HTT: variants seen among roughly 807,000 people sequenced by gnomAD.
HTT encodes the protein huntington disease protein.
A neutral mutation model predicts 362.3 loss-of-function variants in HTT; 104 were observed. That is an observed-to-expected ratio of 0.29 (90% CI 0.24 to 0.34). The LOEUF (loss-of-function observed/expected upper bound fraction) is 0.34. Among genes scored for constraint, HTT ranks in the 10% least tolerant of loss-of-function variants. The pLI is 1.00. For synonymous variants in HTT, 1,577 were observed against 1,548.7 expected, an observed-to-expected ratio of 1.02 and a Z score of -0.43; for missense variants, 3,301 against 3,928.6, an observed-to-expected ratio of 0.84 and a Z score of 4.27.
At chr4:3,131,565 T>C in intron 15 of HTT, 73 bp from the exon 16 acceptor site, 1 of 1,586,832 alleles carries the variant, frequency 6.3e-7, no homozygotes, top group Non-Finnish European at 8.6e-7. Context: ...GGTAGGTTAT[T>C]GGGTCTGGTT....
At chr4:3,141,174 C>G (rs930825575) in intron 22 of HTT, among the ~76,000 whole-genome samples, 1 of 152,182 alleles carries the variant, frequency 6.6e-6, no homozygotes, top group Non-Finnish European at 1.5e-5. Context: ...GAGTGGGACA[C>G]AGTGCTTTAA....
chr4:3,205,304 T>G (rs1161192130), intron 42 of HTT, among the ~76,000 whole-genome samples: 1 of 152,152 alleles, frequency 6.6e-6, no homozygotes, highest in Non-Finnish European at 1.5e-5. Context: ...ACATGGTATC[T>G]TATAGATACT....
At chr4:3,238,378 G>T (rs1336942216) in intron 64 of HTT, 69 bp from the exon 65 acceptor site, 6 of 1,240,866 alleles carry the variant, frequency 4.8e-6, no homozygotes, top group East Asian at 2.5e-5. Context: ...TAGAGCCAAG[G>T]CCCTCCGCGG....
At position 3,228,006 on chromosome 4, in the gene HTT, G is replaced by T. The variant is rs997988963; in HGVS notation, c.7849-609G>T. ...CTCCCTGCAGGGTGCTGGGTCCCAGGGGGGAAATGGCCCTTGGTGCCAAGA... is the reference window on the plus strand; with the variant it reads ...CTCCCTGCAGGGTGCTGGGTCCCAGTGGGGAAATGGCCCTTGGTGCCAAGA... On this transcript the variant is annotated intron_variant, in intron 57 of 66. Coordinates refer to ENST00000355072, the MANE Select transcript of HTT (RefSeq NM_001388492.1). This position sits in a 1 kb window ranked among gnomAD's most constrained non-coding sequence, Gnocchi z 4.3. 2.6e-5 allele frequency among the ~76,000 whole-genome samples: 4 copies of T among 152,198 alleles called. No homozygotes were observed. Among genetic ancestry groups the T allele is most frequent in the Non-Finnish European group, 5.9e-5 (4 of 68,028 alleles).
intron 37 of HTT, among the ~76,000 whole-genome samples, chr4:3,184,001 C>T (rs1718643741): frequency 6.6e-6 from 1 of 151,790 alleles, no homozygotes; most frequent in African/African-American, 2.4e-5. Context: ...TGTTGGGATG[C>T]GGGTAAGGGG....
chr4:3,176,984 C>T (rs373083427), intron 33 of HTT, among the ~76,000 whole-genome samples: 82 of 152,308 alleles, frequency 5.4e-4, no homozygotes, highest in African/African-American at 1.9e-3. Context: ...CTTTGGGTAT[C>T]TTATTACTAA....
intron 40 of HTT, among the ~76,000 whole-genome samples, chr4:3,195,134 A>G (rs894817021): frequency 3.3e-5 from 5 of 151,916 alleles, no homozygotes; most frequent in African/African-American, 1.2e-4. Flanking sequence ...AATACCCACC[A>G]TGGGCCCCAG....
At chr4:3,151,044 C>CAA (rs1716857559) in intron 26 of HTT, among the ~76,000 whole-genome samples, 2 of 134,070 alleles carry the variant, frequency 1.5e-5, no homozygotes, top group South Asian at 4.6e-4. Flanking sequence ...GTCTCAAAAA[C>CAA]AAAACAAAAC....
At chr4:3,093,201 A>G (rs1713610362) in intron 2 of HTT, among the ~76,000 whole-genome samples, 2 of 152,308 alleles carry the variant, frequency 1.3e-5, no homozygotes, top group South Asian at 4.1e-4. Flanking sequence ...TGAAAGGATT[A>G]GAAGGAACAG....
intron 21 of HTT, among the ~76,000 whole-genome samples, chr4:3,139,160 G>A (rs1051638084): frequency 6.6e-6 from 1 of 151,994 alleles, no homozygotes; most frequent in African/African-American, 2.4e-5. Context: ...CAGAGATTTT[G>A]CAGCTTTACC....
chr4:3,105,307 T>C, intron 4 of HTT, 50 bp from the exon 5 acceptor site: 4 of 1,213,684 alleles, frequency 3.3e-6, no homozygotes, highest in Non-Finnish European at 4.9e-6. Context: ...TGCAACCCTC[T>C]TGGTGACTAG....
At chr4:3,077,169 CTCTA>C (rs1272435680) in intron 1 of HTT, among the ~76,000 whole-genome samples, 1 of 152,040 alleles carries the variant, frequency 6.6e-6, no homozygotes, top group African/African-American at 2.4e-5. Context: ...CAGAGCGAGA[CTCTA>C]TCTCAAAAAA....
chr4:3,173,164 G>A, intron 31 of HTT, 33 bp downstream of exon 31: 1 of 1,552,918 alleles, frequency 6.4e-7, no homozygotes, highest in Non-Finnish European at 8.9e-7. Context: ...TGTCGTTGGT[G>A]GAAGCACGAA....
At chr4:3,084,969 G>A (rs2906961) in intron 1 of HTT, among the ~76,000 whole-genome samples, 5 of 151,458 alleles carry the variant, frequency 3.3e-5, no homozygotes, top group East Asian at 3.9e-4. Context: ...AGCTGAGATC[G>A]CGCCACTGCA....
chr4:3,121,824 G>C (rs1429528285), intron 9 of HTT: 1 of 158,816 alleles, frequency 6.3e-6, no homozygotes, highest in Non-Finnish European at 1.4e-5. Context: ...CTTGATGGCA[G>C]CTGCACTGAG....
At chr4:3,151,001 T>C (rs1716854082) in intron 26 of HTT, among the ~76,000 whole-genome samples, 1 of 151,716 alleles carries the variant, frequency 6.6e-6, no homozygotes, top group Non-Finnish European at 1.5e-5. Flanking sequence ...ATTGTGCCAT[T>C]GCACTCCAGC....
intron 37 of HTT, 72 bp from the exon 38 acceptor site, chr4:3,186,523 TAC>T: frequency 1.3e-6 from 2 of 1,545,040 alleles, no homozygotes; most frequent in Non-Finnish European, 1.8e-6. Context: ...GCCCTTGAGT[TAC>T]ATAGCTGGTG....
chr4:3,169,289 ATTAC>A (rs1195554104), intron 29 of HTT, among the ~76,000 whole-genome samples: 2 of 152,100 alleles, frequency 1.3e-5, no homozygotes, highest in Non-Finnish European at 2.9e-5. Flanking sequence ...AAGTGCTGGG[ATTAC>A]AGGCGTGAGC....
At chr4:3,147,360 C>T (rs1164734704) in intron 25 of HTT, among the ~76,000 whole-genome samples, 3 of 152,148 alleles carry the variant, frequency 2.0e-5, no homozygotes, top group Admixed American at 2.0e-4. Context: ...AATCACTCTC[C>T]TTGGGCAGAT....
Sources: gnomAD v4.1 joint callset for allele counts (sites outside exome capture counted in the v4.1 genomes callset) on GRCh38, gnomAD v4.1.1 for gene constraint, Gnocchi (gnomAD v3.1) non-coding constraint, MANE v1.5 for transcripts, NCBI Gene and HGNC (gene_info 2026-07-23, HGNC 2026-07-21) for gene names.